CNTNAP4: variants seen among roughly 807,000 people sequenced by gnomAD.
CNTNAP4 encodes contactin associated protein family member 4.
A neutral mutation model predicts 148.4 loss-of-function variants in CNTNAP4; 98 were observed. The ratio of observed to expected loss-of-function variants is 0.66; its 90% confidence interval spans 0.56 to 0.78. The LOEUF is 0.78. Among genes scored for constraint, CNTNAP4 ranks in the 30% least tolerant of loss-of-function variants. CNTNAP4 has a pLI of 0.00. For missense variants in CNTNAP4, 1,935 were observed against 1,565.6 expected (o/e 1.24, Z -3.98); for synonymous variants, 730 against 565.1 (o/e 1.29, Z -4.14).
chr16:76,290,099 T>G (rs1276441445), intron 1 of CNTNAP4, among the ~76,000 whole-genome samples: 1 of 152,162 alleles, frequency 6.6e-6, no homozygotes, highest in East Asian at 1.9e-4. Context: ...GGTGGTGAAG[T>G]GTGCCCTGTG....
At chr16:76,467,940 C>T (rs1597640078) in intron 10 of CNTNAP4, among the ~76,000 whole-genome samples, 1 of 152,152 alleles carries the variant, frequency 6.6e-6, no homozygotes, top group Non-Finnish European at 1.5e-5. Context: ...ACCCTGACAG[C>T]AGAATATTTT....
Position 76,535,628 on chromosome 16 carries a change from A to G in CNTNAP4, c.2839A>G (p.Arg947Gly). ...LNGMTLDLEE[R>G]AQVTPEVQPG... Reference sequence around the variant, plus strand: ...TGGGATGACCCTGGATTTGGAAGAAAGAGCCCAGGTGACTCCAGAAGTGCA... The same window carrying G: ...TGGGATGACCCTGGATTTGGAAGAAGGAGCCCAGGTGACTCCAGAAGTGCA... Residue 947 changes from arginine to glycine, a missense_variant, in exon 18 of 24, where the codon AGA becomes GGA. By Grantham distance (125) the Arg-to-Gly change is moderately radical (BLOSUM62 -2). Coordinates refer to ENST00000611870, the MANE Select transcript of CNTNAP4 (RefSeq NM_033401.5). The G allele has an allele frequency of 1.2e-6, 2 of 1,613,946 alleles. No individual in the cohort carries two copies. Among genetic ancestry groups the G allele is most frequent in the South Asian group, 1.1e-5 (1 of 91,068 alleles).
intron 17 of CNTNAP4, among the ~76,000 whole-genome samples, chr16:76,525,231 A>C (rs1340895657): frequency 6.6e-6 from 1 of 152,064 alleles, no homozygotes; most frequent in East Asian, 1.9e-4. Flanking sequence ...ACTCAGTGAA[A>C]GACACATTAT....
chr16:76,288,636 A>G (rs1190686465), intron 1 of CNTNAP4, among the ~76,000 whole-genome samples: 2 of 152,226 alleles, frequency 1.3e-5, no homozygotes, highest in East Asian at 3.9e-4. Context: ...ATGGATTTTT[A>G]AAAAGTTTCC....
chr16:76,500,255 G>A (rs1032505594), intron 15 of CNTNAP4, among the ~76,000 whole-genome samples: 3 of 152,192 alleles, frequency 2.0e-5, no homozygotes, highest in African/African-American at 4.8e-5. Context: ...CGGACGGGGC[G>A]GCTGGCCGGG....
At chr16:76,453,862 A>G (rs1349537633) in intron 8 of CNTNAP4, among the ~76,000 whole-genome samples, 1 of 152,136 alleles carries the variant, frequency 6.6e-6, no homozygotes, top group Non-Finnish European at 1.5e-5. Flanking sequence ...CTTTTTATTT[A>G]GTGTTCAAAA....
At chr16:76,279,451 TAGAAA>T (rs1958604062) in intron 1 of CNTNAP4, among the ~76,000 whole-genome samples, 1 of 152,164 alleles carries the variant, frequency 6.6e-6, no homozygotes, top group South Asian at 2.1e-4. Context: ...TATATCTTCT[TAGAAA>T]AGAAAAGGTG....
At chr16:76,450,778 G>A (rs2080434018) in intron 7 of CNTNAP4, among the ~76,000 whole-genome samples, 1 of 152,176 alleles carries the variant, frequency 6.6e-6, no homozygotes. Flanking sequence ...TTTAAATATA[G>A]CTGTCTTGGT....
intron 3 of CNTNAP4, among the ~76,000 whole-genome samples, chr16:76,393,521 G>T (rs778232376): frequency 3.3e-5 from 5 of 152,014 alleles, no homozygotes; most frequent in African/African-American, 7.2e-5. Flanking sequence ...CACAGTCCTG[G>T]GCCCCAAAGT....
chr16:76,555,895 C>G (rs1054390257), intron 23 of CNTNAP4, among the ~76,000 whole-genome samples: 2 of 152,288 alleles, frequency 1.3e-5, no homozygotes, highest in Admixed American at 1.3e-4. Flanking sequence ...AGCAGAGCAT[C>G]TGGTAATGGC....
intron 17 of CNTNAP4, among the ~76,000 whole-genome samples, chr16:76,531,967 A>C (rs1597083415): frequency 6.6e-6 from 1 of 152,264 alleles, no homozygotes; most frequent in East Asian, 1.9e-4. Flanking sequence ...CTAAGCATAT[A>C]TTTCACATGT....
chr16:76,557,154 C>A (rs12934466), intron 23 of CNTNAP4, among the ~76,000 whole-genome samples: 2 of 151,968 alleles, frequency 1.3e-5, no homozygotes, highest in African/African-American at 4.8e-5. Context: ...AGGCAACTCT[C>A]ACACTCTTGG....
At chr16:76,372,658 T>C (rs1261347673) in intron 3 of CNTNAP4, among the ~76,000 whole-genome samples, 1 of 151,656 alleles carries the variant, frequency 6.6e-6, no homozygotes, top group Non-Finnish European at 1.5e-5. Flanking sequence ...ATGTAAGACA[T>C]GCCTTCTGCC....
At chr16:76,480,100 C>T (rs760682620) in intron 12 of CNTNAP4, among the ~76,000 whole-genome samples, 5 of 151,918 alleles carry the variant, frequency 3.3e-5, no homozygotes, top group Admixed American at 6.6e-5. Flanking sequence ...TTCTCGTCAC[C>T]ATTGTATTGG....
intron 2 of CNTNAP4, among the ~76,000 whole-genome samples, chr16:76,345,828 A>G (rs1239865426): frequency 6.6e-6 from 1 of 152,218 alleles, no homozygotes. Flanking sequence ...TAAATGCTGT[A>G]TGAAAAGGGA....
intron 2 of CNTNAP4, among the ~76,000 whole-genome samples, chr16:76,332,507 G>C (rs1053088209): frequency 2.0e-5 from 3 of 151,688 alleles, no homozygotes; most frequent in Non-Finnish European, 2.9e-5. Context: ...CAAGCAATCT[G>C]GCCACCTCAA....
chr16:76,366,940 A>G (rs1307692267), intron 3 of CNTNAP4, among the ~76,000 whole-genome samples: 1 of 152,160 alleles, frequency 6.6e-6, no homozygotes, highest in Non-Finnish European at 1.5e-5. Flanking sequence ...AATCATCCAT[A>G]TAAATGAGAT....
intron 3 of CNTNAP4, among the ~76,000 whole-genome samples, chr16:76,377,352 A>G (rs1368875436): frequency 6.6e-6 from 1 of 152,212 alleles, no homozygotes; most frequent in Non-Finnish European, 1.5e-5. Context: ...AACCATCACA[A>G]AGATGGAAAG....
intron 2 of CNTNAP4, among the ~76,000 whole-genome samples, chr16:76,321,664 C>G (rs560507643): frequency 1.3e-5 from 2 of 151,438 alleles, no homozygotes; most frequent in African/African-American, 4.9e-5. Context: ...TGGCGGGTCC[C>G]TGTAACCCCA....
Sources: allele counts gnomAD v4.1 joint callset (sites outside exome capture counted in the v4.1 genomes callset), GRCh38; gene constraint gnomAD v4.1.1; transcripts MANE v1.5; gene names NCBI Gene and HGNC (gene_info 2026-07-23, HGNC 2026-07-21).